CRTAC1: variants seen among roughly 807,000 people sequenced by gnomAD.
CRTAC1 encodes the protein acidic secreted protein in cartilage.
CRTAC1 carries 37 observed loss-of-function variants against 67.8 expected under a neutral mutation model. The observed-to-expected ratio is 0.55, with a 90% CI of 0.42 to 0.72. The LOEUF is 0.72. Among genes scored for constraint, CRTAC1 ranks in the 30% least tolerant of loss-of-function variants. The pLI is 0.00. For missense variants in CRTAC1, 780 were observed against 931.6 expected (o/e 0.84, Z 2.12); for synonymous variants, 348 against 371.0 (o/e 0.94, Z 0.71).
chr10:98,013,581 G>C (rs1017053791), intron 1 of CRTAC1, among the ~76,000 whole-genome samples: 3 of 152,166 alleles, frequency 2.0e-5, no homozygotes, highest in Non-Finnish European at 4.4e-5. Context: ...CTTAAAACAA[G>C]TCACAACCTC....
chr10:97,985,252 A>G (rs1406491501), intron 2 of CRTAC1, among the ~76,000 whole-genome samples: 5 of 152,148 alleles, frequency 3.3e-5, no homozygotes, highest in African/African-American at 1.2e-4. Context: ...TCTTCCTACT[A>G]CTCTATAATA....
At chr10:98,004,646 A>G (rs764831465) in intron 2 of CRTAC1, among the ~76,000 whole-genome samples, 1 of 152,168 alleles carries the variant, frequency 6.6e-6, no homozygotes, top group Non-Finnish European at 1.5e-5. Context: ...GTCACAGATT[A>G]GAAACAGCTT....
intron 3 of CRTAC1, 27 bp from the exon 4 acceptor site, chr10:97,923,427 G>C: frequency 6.2e-7 from 1 of 1,613,850 alleles, no homozygotes. Flanking sequence ...AGGGAGGGCT[G>C]GTGGACAGTG....
intron 2 of CRTAC1, among the ~76,000 whole-genome samples, chr10:97,984,417 A>C (rs1392637052): frequency 6.6e-6 from 1 of 152,210 alleles, no homozygotes; most frequent in East Asian, 1.9e-4. Context: ...TTTTCTGCAA[A>C]TCCATGCCAC....
chr10:97,920,959 G>A (rs1183295969), intron 4 of CRTAC1, among the ~76,000 whole-genome samples: 1 of 152,222 alleles, frequency 6.6e-6, no homozygotes, highest in Non-Finnish European at 1.5e-5. Context: ...GAAAGGACAA[G>A]TGGATGTTCC....
At chr10:97,953,909 T>C (rs2051399999) in intron 2 of CRTAC1, among the ~76,000 whole-genome samples, 1 of 152,210 alleles carries the variant, frequency 6.6e-6, no homozygotes, top group South Asian at 2.1e-4. Context: ...AACTAGCATG[T>C]GATACTCCTC....
At chr10:97,967,925 C>T (rs942515206) in intron 2 of CRTAC1, among the ~76,000 whole-genome samples, 7 of 152,102 alleles carry the variant, frequency 4.6e-5, no homozygotes, top group African/African-American at 1.2e-4. Context: ...CATGGCTTCC[C>T]GGGGGCATTC....
At chr10:97,988,587 G>T (rs2052023094) in intron 2 of CRTAC1, among the ~76,000 whole-genome samples, 1 of 152,186 alleles carries the variant, frequency 6.6e-6, no homozygotes, top group African/African-American at 2.4e-5. Flanking sequence ...GGGTGTGGCA[G>T]CATGTGCCTG....
At chr10:97,891,161 G>A (rs534024420) in intron 11 of CRTAC1, among the ~76,000 whole-genome samples, 22 of 152,330 alleles carry the variant, frequency 1.4e-4, no homozygotes, top group Non-Finnish European at 2.8e-4. Flanking sequence ...GATATTGAGG[G>A]AAGGTGAAGG....
intron 2 of CRTAC1, among the ~76,000 whole-genome samples, chr10:97,957,474 G>T (rs1368494968): frequency 1.3e-5 from 2 of 152,136 alleles, no homozygotes; most frequent in African/African-American, 4.8e-5. Flanking sequence ...CTCATGCTCT[G>T]TAAGGCAAGA....
chr10:97,892,342 G>A (rs1370645768), intron 11 of CRTAC1, among the ~76,000 whole-genome samples: 1 of 152,228 alleles, frequency 6.6e-6, no homozygotes, highest in Non-Finnish European at 1.5e-5. Flanking sequence ...TGCGAGGTGA[G>A]CCTCAATGTC....
At position 97,895,172 on chromosome 10, in the gene CRTAC1, C is replaced by G; in HGVS notation, c.1486+73G>C. Reference sequence around the variant, plus strand: ...TAGAGCGGAGCGGTGCCCAAGGATGCTCGGGCTGTGAGTCCCTGAATCAGT... The same window carrying G: ...TAGAGCGGAGCGGTGCCCAAGGATGGTCGGGCTGTGAGTCCCTGAATCAGT... On this transcript the variant is annotated intron_variant, in intron 11 of 14. Coordinates refer to ENST00000370597, the MANE Select transcript of CRTAC1 (RefSeq NM_018058.7). The surrounding 1 kb of genome is among the most constrained non-coding windows in gnomAD (Gnocchi z 4.2). 6.7e-7 allele frequency: 1 copy of G among 1,486,300 alleles called. No homozygotes were observed. The highest frequency in any genetic ancestry group is 2.3e-5 in the East Asian group (1 of 43,790). 92.1% of individuals were successfully genotyped at this position (1,486,300 alleles called of 1,614,324 possible).
chr10:98,000,219 T>G (rs1054500346), intron 2 of CRTAC1, among the ~76,000 whole-genome samples: 2 of 152,186 alleles, frequency 1.3e-5, no homozygotes, highest in African/African-American at 2.4e-5. Context: ...AACATGCCCC[T>G]TGCTCTCTAT....
chr10:98,022,433 T>C (rs1420306623), intron 1 of CRTAC1, among the ~76,000 whole-genome samples: 1 of 150,104 alleles, frequency 6.7e-6, no homozygotes, highest in Non-Finnish European at 1.5e-5. Flanking sequence ...ACACAAGCCA[T>C]AGGAGGGAGG....
At position 98,017,588 on chromosome 10, in the gene CRTAC1, C is replaced by T. The variant is rs547455644; in HGVS notation, c.25-6251G>A. ...TCACTCTGTCAACTAGGCTGGAGTG[C>T]AGTAGCATGATCATAGCTCACTGCA... On this transcript the variant is annotated intron_variant, in intron 1 of 14. Coordinates refer to ENST00000370597, the MANE Select transcript of CRTAC1 (RefSeq NM_018058.7). Among the ~76,000 whole-genome samples the T allele has an allele frequency of 8.5e-4, 129 of 152,166 alleles. 1 individual carries two copies. The highest frequency in any genetic ancestry group is 1.5e-3 in the Non-Finnish European group (103 of 67,980).
chr10:97,960,857 A>C (rs1214869119), intron 2 of CRTAC1, among the ~76,000 whole-genome samples: 3 of 152,256 alleles, frequency 2.0e-5, no homozygotes. Flanking sequence ...CAGGGAAACA[A>C]GGGTAGTGTG....
intron 3 of CRTAC1, among the ~76,000 whole-genome samples, chr10:97,929,876 T>A (rs2050976937): frequency 6.6e-6 from 1 of 152,176 alleles, no homozygotes; most frequent in Non-Finnish European, 1.5e-5. Flanking sequence ...TTTATAAGAC[T>A]TCGTCAATGG....
intron 4 of CRTAC1, 21 bp from the exon 5 acceptor site, chr10:97,917,677 G>A (rs1256493506): frequency 2.0e-6 from 3 of 1,520,844 alleles, no homozygotes; most frequent in South Asian, 1.3e-5. Context: ...AGGGAAGGGA[G>A]AGGTGAGCAG....
intron 2 of CRTAC1, among the ~76,000 whole-genome samples, chr10:97,939,000 G>A (rs2051131423): frequency 6.6e-6 from 1 of 152,204 alleles, no homozygotes; most frequent in African/African-American, 2.4e-5. Context: ...CTGTGGGTCT[G>A]TGAGTCTCAC....
Sources: allele counts gnomAD v4.1 joint callset (sites outside exome capture counted in the v4.1 genomes callset), GRCh38; gene constraint gnomAD v4.1.1; non-coding constraint Gnocchi (gnomAD v3.1); transcripts MANE v1.5; gene names NCBI Gene and HGNC (gene_info 2026-07-23, HGNC 2026-07-21).